Variants in CTNND2 observed in about 807,000 individuals in gnomAD.
The protein encoded by CTNND2 is catenin delta 2.
In CTNND2, 22 loss-of-function variants were observed where a neutral mutation model predicts 144.4. That is an observed-to-expected ratio of 0.15 (90% CI 0.11 to 0.22). The LOEUF (loss-of-function observed/expected upper bound fraction) is 0.22. Ranked by LOEUF, CTNND2 falls within the 10% of genes least tolerant of loss-of-function variation. The probability of loss-of-function intolerance (pLI) is 1.00; values close to 1 mark genes in which losing one functional copy is unlikely to be tolerated. For synonymous variants in CTNND2, 751 were observed against 695.6 expected (o/e 1.08, Z -1.25); for missense variants, 1,353 against 1,618.8 (o/e 0.84, Z 2.82).
chr5:11,035,408 C>T (rs1371293399), intron 16 of CTNND2, among the ~76,000 whole-genome samples: 3 of 152,220 alleles, frequency 2.0e-5, no homozygotes, highest in Admixed American at 6.5e-5. Flanking sequence ...TCTTGTGTCA[C>T]ATCGCTCTGA....
At chr5:11,627,498 T>C (rs1176112140) in intron 2 of CTNND2, among the ~76,000 whole-genome samples, 3 of 152,270 alleles carry the variant, frequency 2.0e-5, no homozygotes, top group Non-Finnish European at 2.9e-5. Flanking sequence ...CAATAGATAT[T>C]TGATGAAAGC....
chr5:11,605,251 T>C (rs1323826941), intron 2 of CTNND2, among the ~76,000 whole-genome samples: 1 of 152,136 alleles, frequency 6.6e-6, no homozygotes, highest in African/African-American at 2.4e-5. Context: ...TAAATGAACA[T>C]ACACATATGA....
intron 2 of CTNND2, among the ~76,000 whole-genome samples, chr5:11,692,801 C>T (rs2126652329): frequency 6.6e-6 from 1 of 152,280 alleles, no homozygotes; most frequent in East Asian, 1.9e-4. Flanking sequence ...GGGGTTTCGC[C>T]ATGTTGGCCA....
At chr5:11,378,927 GA>G (rs1484987496) in intron 7 of CTNND2, among the ~76,000 whole-genome samples, 5 of 152,140 alleles carry the variant, frequency 3.3e-5, no homozygotes, top group Admixed American at 2.6e-4. Context: ...TTGACTGGGG[GA>G]CAAGTTAGAC....
chr5:11,136,646 T>C lies in CTNND2; in HGVS notation c.2160-19079A>G, dbSNP rs373273856. ...GGCAGCATATCAAGTCAGCTCTAAC[T>C]TCAAAGCATTTCCAGAATTGTTCTC... On this transcript the variant is annotated intron_variant, in intron 12 of 21. Transcript: ENST00000304623. 7.2e-5 allele frequency among the ~76,000 whole-genome samples: 11 copies of C among 152,366 alleles called. 1 individual carries two copies. Among genetic ancestry groups the C allele is most frequent in the African/African-American group, 2.6e-4 (11 of 41,584 alleles).
chr5:11,423,859 C>A (rs1313273405), intron 3 of CTNND2, among the ~76,000 whole-genome samples: 2 of 152,144 alleles, frequency 1.3e-5, no homozygotes, highest in African/African-American at 4.8e-5. Flanking sequence ...AAATGAATAA[C>A]CATTGCCGAT....
chr5:11,482,989 A>G (rs981966678), intron 3 of CTNND2, among the ~76,000 whole-genome samples: 1 of 151,956 alleles, frequency 6.6e-6, no homozygotes, highest in African/African-American at 2.4e-5. Context: ...TTTCTCTGAG[A>G]TTGAAAACCA....
intron 2 of CTNND2, among the ~76,000 whole-genome samples, chr5:11,662,364 G>C (rs978521439): frequency 6.6e-6 from 1 of 151,268 alleles, no homozygotes; most frequent in South Asian, 2.1e-4. Flanking sequence ...ACAATAGGCC[G>C]TCTGCAAGCT....
chr5:11,528,853 C>T (rs1337308797), intron 3 of CTNND2, among the ~76,000 whole-genome samples: 2 of 152,240 alleles, frequency 1.3e-5, no homozygotes, highest in East Asian at 1.9e-4. Flanking sequence ...TAGACTTCCC[C>T]TTTTCATCAG....
chr5:11,193,672 G>A (rs1736572463), intron 11 of CTNND2, among the ~76,000 whole-genome samples: 1 of 152,056 alleles, frequency 6.6e-6, no homozygotes, highest in South Asian at 2.1e-4. Context: ...GTGCCATCAA[G>A]ATAGAAGAAG....
intron 17 of CTNND2, among the ~76,000 whole-genome samples, chr5:11,019,709 T>C (rs1742037353): frequency 6.6e-6 from 1 of 152,206 alleles, no homozygotes; most frequent in Non-Finnish European, 1.5e-5. Flanking sequence ...GCTTGGACAA[T>C]TGTGTGTTTC....
At chr5:11,872,557 C>G (rs1735223394) in intron 1 of CTNND2, among the ~76,000 whole-genome samples, 1 of 152,166 alleles carries the variant, frequency 6.6e-6, no homozygotes, top group Non-Finnish European at 1.5e-5. Context: ...TGTTTCCTGA[C>G]TTTTTAATGA....
chr5:11,312,199 A>C (rs1751040285), intron 9 of CTNND2, among the ~76,000 whole-genome samples: 6 of 58,868 alleles, frequency 1.0e-4, no homozygotes, highest in Admixed American at 2.2e-4. Flanking sequence ...TACTCACCCC[A>C]CATACACACT....
chr5:11,351,990 C>T (rs760751729), intron 8 of CTNND2, among the ~76,000 whole-genome samples: 1 of 152,120 alleles, frequency 6.6e-6, no homozygotes, highest in Non-Finnish European at 1.5e-5. Context: ...GGCATATATC[C>T]AAGAGTGTCA....
At chr5:11,082,993 G>T in intron 15 of CTNND2, 147 bp from the exon 16 acceptor site, 2 of 875,254 alleles carry the variant, frequency 2.3e-6, no homozygotes, top group Non-Finnish European at 3.4e-6. Flanking sequence ...GAATACGTTA[G>T]ACATGCATTT....
intron 2 of CTNND2, among the ~76,000 whole-genome samples, chr5:11,601,613 T>G (rs1779799853): frequency 6.6e-6 from 1 of 152,170 alleles, no homozygotes; most frequent in Non-Finnish European, 1.5e-5. Context: ...TAACATATTT[T>G]TCTAAATGAG....
chr5:11,316,472 TTATTATTA>T lies in CTNND2; in HGVS notation c.1628+29892_1628+29899del, dbSNP rs1561206932. 8.6e-3 allele frequency among the ~76,000 whole-genome samples: 757 copies of T among 88,454 alleles called. 5 individuals are homozygous for T. Among genetic ancestry groups the T allele is most frequent in the Middle Eastern group, 0.021 (5 of 240 alleles). The allele number at this position is 88,454 out of a possible 152,430, so 58.0% of individuals were successfully genotyped here. A position where few individuals can be genotyped will look rare whatever the true frequency, so the allele number is the denominator to read the frequency against. On this transcript the variant is annotated intron_variant, in intron 9 of 21. Coordinates refer to ENST00000304623, the MANE Select transcript of CTNND2 (RefSeq NM_001332.4). ...AGGTACTCTTATCCACTATTTTTTA[TTATTATTA>T]TTATTATTATTATTATTATTATTAT...
chr5:11,106,386 TGAA>T (rs1752430867), intron 14 of CTNND2, among the ~76,000 whole-genome samples: 1 of 152,196 alleles, frequency 6.6e-6, no homozygotes, highest in Admixed American at 6.5e-5. Context: ...CATTCCAGTG[TGAA>T]GAACTGCTTA....
chr5:11,652,274 C>T (rs994119621), intron 2 of CTNND2, among the ~76,000 whole-genome samples: 7 of 152,160 alleles, frequency 4.6e-5, no homozygotes, highest in Non-Finnish European at 7.4e-5. Flanking sequence ...CCTACGGCCA[C>T]GTAAGACACA....
Sources: allele counts gnomAD v4.1 joint callset (sites outside exome capture counted in the v4.1 genomes callset), GRCh38; gene constraint gnomAD v4.1.1; transcripts MANE v1.5; gene names NCBI Gene and HGNC (gene_info 2026-07-23, HGNC 2026-07-21).